The following MED12L variants were observed in gnomAD, a reference collection of about 807,000 sequenced individuals.
MED12L encodes the protein mediator complex subunit 12L.
In MED12L, 60 loss-of-function variants were observed where a neutral mutation model predicts 281.3. That is an observed-to-expected ratio of 0.21 (90% CI 0.17 to 0.26). MED12L has a LOEUF of 0.26. Among genes scored for constraint, MED12L ranks in the 10% least tolerant of loss-of-function variants. The pLI is 1.00. For synonymous variants in MED12L, 974 were observed against 987.2 expected, an observed-to-expected ratio of 0.99 and a Z score of 0.25; for missense variants, 2,146 against 2,680.9, an observed-to-expected ratio of 0.80 and a Z score of 4.41.
intron 16 of MED12L, among the ~76,000 whole-genome samples, chr3:151,226,759 C>T (rs981327022): frequency 6.6e-6 from 1 of 152,168 alleles, no homozygotes; most frequent in South Asian, 2.1e-4. Context: ...CATAGAGAAC[C>T]TCCTTTTGAT....
At chr3:151,295,372 G>A (rs2149695620) in intron 16 of MED12L, 1 of 588,012 alleles carries the variant, frequency 1.7e-6, no homozygotes, top group South Asian at 2.2e-5. Flanking sequence ...GTTTTGAGTG[G>A]CCAAAGAATT....
At chr3:151,340,998 G>A (rs1278340854) in intron 16 of MED12L, 1 of 152,232 alleles carries the variant, frequency 6.6e-6, no homozygotes, top group East Asian at 1.9e-4. Context: ...ATAACTTCGA[G>A]TTATGGTTAT....
intron 16 of MED12L, among the ~76,000 whole-genome samples, chr3:151,268,577 A>G (rs541715505): frequency 2.0e-5 from 3 of 152,248 alleles, no homozygotes; most frequent in African/African-American, 7.2e-5. Context: ...AATTTTGCCT[A>G]ATTTGTTTCA....
intron 2 of MED12L, among the ~76,000 whole-genome samples, chr3:151,105,049 A>G (rs924819907): frequency 6.6e-6 from 1 of 152,122 alleles, no homozygotes; most frequent in Non-Finnish European, 1.5e-5. Context: ...TATCTCTTTG[A>G]GGGACCGAAT....
chr3:151,116,214 T>G (rs1397616405), intron 2 of MED12L, 124 bp from the exon 3 acceptor site: 4 of 615,610 alleles, frequency 6.5e-6, no homozygotes, highest in Non-Finnish European at 1.1e-5. Flanking sequence ...TCTCTGATTG[T>G]TGTCCTTTCA....
At chr3:151,115,134 C>T (rs1712522249) in intron 2 of MED12L, among the ~76,000 whole-genome samples, 1 of 152,026 alleles carries the variant, frequency 6.6e-6, no homozygotes, top group African/African-American at 2.4e-5. Flanking sequence ...TCTAAACTTC[C>T]CTTCAGTTGT....
At position 151,355,152 on chromosome 3, in the gene MED12L, C is replaced by A; in HGVS notation, c.2430C>A (p.Asn810Lys). The A allele has an allele frequency of 6.2e-7, 1 of 1,613,864 alleles. No homozygotes were observed. Among genetic ancestry groups the A allele is most frequent in the Non-Finnish European group, 8.5e-7 (1 of 1,179,876 alleles). ...ACGAAGGACAAAAAGCCAGGAAGAA[C>A]AAACAGGAGACATTTCCAACACTGG... The part of the protein sequence containing the change: ...VGDEGQKARK[N>K]KQETFPTLET... The change falls in exon 18 of 45, where the codon AAC becomes AAA. Residue 810 changes from asparagine to lysine, a missense_variant. Asn to Lys is a moderately conservative substitution (Grantham distance 94). Coordinates refer to ENST00000687756, the MANE Select transcript of MED12L (RefSeq NM_001393769.1).
At position 151,384,169 on chromosome 3, in the gene MED12L, G is replaced by T. The variant is rs1712904985; in HGVS notation, c.4877G>T (p.Gly1626Val). The part of the protein sequence containing the change: ...ASDLSNASPG[G>V]SEENKRAYMN... ...GACCTATCAAATGCATCCCCTGGGG[G>T]ATCTGAAGAGAACAAGCGTGCATAC... Residue 1626 changes from glycine (G) to valine (V), a missense_variant, in exon 35 of 45, where the codon GGA (glycine) becomes GTA (valine). Physicochemically the swap from Gly to Val is moderately radical, Grantham distance 109 (BLOSUM62 -3). This residue lies in a region of MED12L where 212 missense variants were observed against 340.8 expected (regional missense o/e 0.62). Coordinates refer to ENST00000687756, the MANE Select transcript of MED12L (RefSeq NM_001393769.1). The T allele has an allele frequency of 3.7e-6, 6 of 1,613,716 alleles. No individual in the cohort carries two copies. The South Asian group carries it at 6.6e-5, about 18-fold the overall frequency.
In MED12L at chr3:151,432,780, G is replaced by A. The variant is rs142871635; in HGVS notation, c.6519G>A (p.Pro2173=). ...ACCAGCCACAGCAAGGAGTGACTCCGTATGGGCATCCTTCACACTTCTGAA... is the reference window on the plus strand; with the variant it reads ...ACCAGCCACAGCAAGGAGTGACTCCATATGGGCATCCTTCACACTTCTGAA... ...SSNQPQQGVT[P]YGHPSHF Residue 2173 remains proline, a synonymous_variant, in exon 45 of 45, where the codon CCG becomes CCA. Coordinates refer to ENST00000687756, the MANE Select transcript of MED12L (RefSeq NM_001393769.1). 4.3e-3 allele frequency: 6,858 copies of A among 1,612,970 alleles called. 24 individuals are homozygous for A. The highest frequency in any genetic ancestry group is 5.5e-3 in the Non-Finnish European group (6,529 of 1,179,360).
chr3:151,165,151 C>T (rs1303795146), intron 9 of MED12L, among the ~76,000 whole-genome samples: 1 of 152,094 alleles, frequency 6.6e-6, no homozygotes, highest in Non-Finnish European at 1.5e-5. Context: ...TTCACCTTTC[C>T]ACGTGGTGTC....
At chr3:151,358,020 A>G (rs1336657181) in intron 20 of MED12L, among the ~76,000 whole-genome samples, 1 of 152,134 alleles carries the variant, frequency 6.6e-6, no homozygotes, top group African/African-American at 2.4e-5. Flanking sequence ...TTTTATTTAA[A>G]CACAGAAAGA....
At chr3:151,221,924 A>G (rs1221805371) in intron 16 of MED12L, among the ~76,000 whole-genome samples, 1 of 152,218 alleles carries the variant, frequency 6.6e-6, no homozygotes, top group African/African-American at 2.4e-5. Context: ...GGTCTGGAAA[A>G]GTTGCAGATA....
At chr3:151,350,631 C>A (rs1312990594) in intron 17 of MED12L, among the ~76,000 whole-genome samples, 2 of 152,194 alleles carry the variant, frequency 1.3e-5, no homozygotes, top group East Asian at 1.9e-4. Flanking sequence ...GGGGCACTCA[C>A]ATTTGCATGT....
intron 16 of MED12L, among the ~76,000 whole-genome samples, chr3:151,259,268 A>G (rs1738419620): frequency 6.6e-6 from 1 of 152,216 alleles, no homozygotes; most frequent in Non-Finnish European, 1.5e-5. Context: ...TTTCCTTCAG[A>G]AATAGGCACT....
At chr3:151,207,192 G>A (rs1457643710) in intron 16 of MED12L, among the ~76,000 whole-genome samples, 1 of 151,908 alleles carries the variant, frequency 6.6e-6, no homozygotes, top group Non-Finnish European at 1.5e-5. Context: ...TGAGTAACTA[G>A]GACTACAGGG....
In MED12L at chr3:151,383,794, G is replaced by T; in HGVS notation, c.4696G>T (p.Asp1566Tyr). The T allele has an allele frequency of 6.2e-7, 1 of 1,611,750 alleles. No homozygotes were observed. Among genetic ancestry groups the T allele is most frequent in the South Asian group, 1.1e-5 (1 of 90,646 alleles). The change falls in exon 34 of 45, where the codon GAC (aspartate) becomes TAC (tyrosine). Residue 1566 changes from aspartate (D) to tyrosine (Y), a missense_variant. Around this residue, in one of 9 missense-constraint regions of MED12L, gnomAD observed 212 missense variants for 340.8 expected, o/e 0.62. Coordinates refer to ENST00000687756, the MANE Select transcript of MED12L (RefSeq NM_001393769.1). Reference sequence around the variant, plus strand: ...TGTCTGCTAGGTAGGAGGAATGTTTGACACGGTGCAGAGGAGCACCCAGTG... The same window carrying T: ...TGTCTGCTAGGTAGGAGGAATGTTTTACACGGTGCAGAGGAGCACCCAGTG... ...LRLNLVGGMF[D>Y]TVQRSTQWTT...
At chr3:151,279,808 G>A (rs933939559) in intron 16 of MED12L, among the ~76,000 whole-genome samples, 3 of 152,322 alleles carry the variant, frequency 2.0e-5, no homozygotes, top group Admixed American at 6.5e-5. Flanking sequence ...GGCAGGAACC[G>A]TATCTCTAAG....
intron 11 of MED12L, among the ~76,000 whole-genome samples, chr3:151,176,542 A>G (rs1722072432): frequency 7.2e-6 from 1 of 138,058 alleles, no homozygotes; most frequent in Non-Finnish European, 1.5e-5. Context: ...AATATTGTTC[A>G]TCATTTTTTT....
At chr3:151,371,069 C>G (rs941993745) in intron 26 of MED12L, among the ~76,000 whole-genome samples, 1 of 152,202 alleles carries the variant, frequency 6.6e-6, no homozygotes, top group Non-Finnish European at 1.5e-5. Context: ...CTCATACCTT[C>G]TCTGTTGTCC....
Sources: allele counts gnomAD v4.1 joint callset (sites outside exome capture counted in the v4.1 genomes callset), GRCh38; gene constraint gnomAD v4.1.1; regional missense constraint gnomAD v4.1.1; transcripts MANE v1.5; gene names NCBI Gene and HGNC (gene_info 2026-07-23, HGNC 2026-07-21).